PTPRD: variants seen among roughly 807,000 people sequenced by gnomAD.
The protein encoded by PTPRD is protein tyrosine phosphatase receptor type D, also known as receptor-type tyrosine-protein phosphatase delta.
Under a neutral mutation model 214.5 loss-of-function variants are expected in PTPRD, and 34 were observed. The ratio of observed to expected loss-of-function variants is 0.16; its 90% CI spans 0.12 to 0.21. The LOEUF is 0.21. Among genes scored for constraint, PTPRD ranks in the 10% least tolerant of loss-of-function variants. PTPRD has a pLI of 1.00. For missense variants in PTPRD, 2,545 were observed against 2,398.7 expected, an observed-to-expected ratio of 1.06 and a Z score of -1.27; for synonymous variants, 1,128 against 845.7, an observed-to-expected ratio of 1.33 and a Z score of -5.79.
chr9:8,416,786 C>T (rs2093971335), intron 35 of PTPRD, among the ~76,000 whole-genome samples: 1 of 152,054 alleles, frequency 6.6e-6, no homozygotes, highest in Admixed American at 6.6e-5. Flanking sequence ...ATTATCACTA[C>T]TTACAGAATC....
chr9:8,464,123 C>A (rs1238922135), intron 32 of PTPRD, among the ~76,000 whole-genome samples: 1 of 151,826 alleles, frequency 6.6e-6, no homozygotes, highest in Non-Finnish European at 1.5e-5. Context: ...CGGAAGACAT[C>A]AGAAACCACA....
At chr9:8,676,572 T>C (rs1461841819) in intron 12 of PTPRD, among the ~76,000 whole-genome samples, 1 of 151,706 alleles carries the variant, frequency 6.6e-6, no homozygotes, top group African/African-American at 2.4e-5. Flanking sequence ...TTTCTTTTTT[T>C]GTTTTGATTG....
At chr9:9,439,151 C>A (rs751206093) in intron 8 of PTPRD, among the ~76,000 whole-genome samples, 2 of 151,600 alleles carry the variant, frequency 1.3e-5, no homozygotes, top group Non-Finnish European at 2.9e-5. Flanking sequence ...GACTCCAGAG[C>A]AGAAAACAGT....
chr9:8,806,306 A>T (rs148576923), intron 11 of PTPRD, among the ~76,000 whole-genome samples: 1,642 of 152,156 alleles, frequency 0.011, 15 homozygotes, highest in Non-Finnish European at 0.018. Context: ...ATGTGTGCAT[A>T]AATATCACAC....
At chr9:10,084,075 C>T (rs751810158) in intron 3 of PTPRD, among the ~76,000 whole-genome samples, 2 of 151,910 alleles carry the variant, frequency 1.3e-5, no homozygotes, top group Non-Finnish European at 2.9e-5. Context: ...TTTAGAAACA[C>T]AGTTAATAAT....
At chr9:9,071,174 G>A (rs968165573) in intron 10 of PTPRD, among the ~76,000 whole-genome samples, 2 of 152,114 alleles carry the variant, frequency 1.3e-5, no homozygotes, top group African/African-American at 2.4e-5. Flanking sequence ...TCTGTGGCAC[G>A]TAAAACTTGG....
intron 2 of PTPRD, among the ~76,000 whole-genome samples, chr9:10,603,005 C>CA (rs1206632991): frequency 6.6e-6 from 1 of 151,698 alleles, no homozygotes; most frequent in Non-Finnish European, 1.5e-5. Context: ...TTGGTTGGTT[C>CA]AAAAATTGTG....
intron 10 of PTPRD, among the ~76,000 whole-genome samples, chr9:9,165,610 A>G (rs1163682642): frequency 1.3e-5 from 2 of 152,212 alleles, no homozygotes; most frequent in Admixed American, 6.5e-5. Context: ...AATTTAGTTC[A>G]TAAATAATGT....
intron 2 of PTPRD, among the ~76,000 whole-genome samples, chr9:10,565,235 A>G (rs1231608106): frequency 1.3e-5 from 2 of 152,172 alleles, no homozygotes; most frequent in Admixed American, 6.6e-5. Flanking sequence ...TCATTCAAAC[A>G]GAAACTTAAA....
chr9:8,481,050 GA>G (rs1414735648), intron 30 of PTPRD, among the ~76,000 whole-genome samples: 5 of 143,386 alleles, frequency 3.5e-5, no homozygotes, highest in Non-Finnish European at 6.0e-5. Context: ...TGAGGCAGGA[GA>G]ATGACCTGAA....
In PTPRD at chr9:8,500,824, A is replaced by G. The variant is rs534301552; in HGVS notation, c.2058T>C (p.Thr686=). The G allele has an allele frequency of 5.6e-6, 9 of 1,614,196 alleles. No homozygotes were observed. The highest frequency in any genetic ancestry group is 2.2e-5 in the East Asian group (1 of 44,874). The part of the protein sequence containing the change: ...QLEKWTEYRI[T]VTAHTDVGPG... ...GGCCGACATCTGTATGGGCTGTCACAGTGATCCGGTATTCAGTCCATTTTT... is the reference window on the plus strand; with the variant it reads ...GGCCGACATCTGTATGGGCTGTCACGGTGATCCGGTATTCAGTCCATTTTT... The change falls in exon 24 of 46, where the codon ACT becomes ACC. Residue 686 remains threonine (T), a synonymous_variant. Transcript: ENST00000381196.
chr9:9,824,758 G>T (rs2821524), intron 5 of PTPRD, among the ~76,000 whole-genome samples: 27,716 of 151,864 alleles, frequency 0.18, 3,034 homozygotes, highest in African/African-American at 0.31. Context: ...TTACTGAGAT[G>T]ATTTTGTGAG....
chr9:9,733,275 G>T (rs912911544), intron 7 of PTPRD, among the ~76,000 whole-genome samples: 1 of 152,140 alleles, frequency 6.6e-6, no homozygotes, highest in African/African-American at 2.4e-5. Flanking sequence ...GACCCCAGTG[G>T]TTCATGGTGC....
chr9:8,551,341 T>G (rs911921032), intron 14 of PTPRD, among the ~76,000 whole-genome samples: 1 of 152,240 alleles, frequency 6.6e-6, no homozygotes, highest in Non-Finnish European at 1.5e-5. Flanking sequence ...AAAGTTTTCA[T>G]AATTTAAACC....
At chr9:9,066,122 AGTTAATATT>A (rs1481835866) in intron 10 of PTPRD, among the ~76,000 whole-genome samples, 1 of 144,350 alleles carries the variant, frequency 6.9e-6, no homozygotes, top group South Asian at 2.3e-4. Context: ...AAATGACTGA[AGTTAATATT>A]TATTTCTTTT....
rs2073557365 is a variant in PTPRD, at chr9:9,892,184, A to G, written c.-368+46323T>C. On this transcript the variant is annotated intron_variant, in intron 5 of 45. Coordinates refer to ENST00000381196, the MANE Select transcript of PTPRD (RefSeq NM_002839.4). ...GGTGCTGATAAGTTCTATGAAGAAA[A>G]ATGAATCAGCAAAAGGAAAATGTAG... Among the ~76,000 whole-genome samples, 3 of 152,252 alleles carry G rather than the reference A, an allele frequency of 2.0e-5. No homozygotes were observed. The South Asian group carries it at 6.2e-4, about 32-fold the overall frequency.
intron 3 of PTPRD, among the ~76,000 whole-genome samples, chr9:10,244,974 T>A (rs1595196714): frequency 1.3e-5 from 2 of 152,180 alleles, no homozygotes; most frequent in South Asian, 4.1e-4. Flanking sequence ...ATTTTCCCAT[T>A]TCTTAATCAT....
intron 24 of PTPRD, 51 bp downstream of exon 24, chr9:8,500,703 G>T (rs1286363433): frequency 1.3e-6 from 2 of 1,566,322 alleles, no homozygotes; most frequent in Non-Finnish European, 1.7e-6. Flanking sequence ...AAAGACAGCA[G>T]ATCAAGACTG....
chr9:9,315,401 G>T (rs151185305), intron 9 of PTPRD, among the ~76,000 whole-genome samples: 2 of 151,926 alleles, frequency 1.3e-5, no homozygotes, highest in African/African-American at 4.8e-5. Flanking sequence ...CTATATGCCA[G>T]TAAGTTAAAC....
Sources: allele counts gnomAD v4.1 joint callset (sites outside exome capture counted in the v4.1 genomes callset), GRCh38; gene constraint gnomAD v4.1.1; transcripts MANE v1.5; gene names NCBI Gene and HGNC (gene_info 2026-07-23, HGNC 2026-07-21).